ABI3BP: variants seen among roughly 807,000 people sequenced by gnomAD.
The protein encoded by ABI3BP is ABI family member 3 binding protein, also known as target of Nesh-SH3.
A neutral mutation model predicts 268.6 loss-of-function variants in ABI3BP; 216 were observed. The observed-to-expected ratio is 0.80, with a 90% CI of 0.72 to 0.90. The LOEUF (loss-of-function observed/expected upper bound fraction) is 0.90, where lower values mean the gene tolerates loss of function less well. ABI3BP is among the 40% of genes least tolerant of loss of function. ABI3BP has a pLI of 0.00. For synonymous variants in ABI3BP, 730 were observed against 730.0 expected (o/e 1.00, Z 0.00); for missense variants, 2,090 against 2,182.4 (o/e 0.96, Z 0.84).
intron 33 of ABI3BP, among the ~76,000 whole-genome samples, chr3:100,828,660 T>C (rs530644766): frequency 6.6e-6 from 1 of 152,240 alleles, no homozygotes; most frequent in East Asian, 1.9e-4. Context: ...TACTTTGTAG[T>C]CAGATAATTC....
intron 1 of ABI3BP, among the ~76,000 whole-genome samples, chr3:100,991,449 T>C (rs2092902395): frequency 6.6e-6 from 1 of 152,140 alleles, no homozygotes; most frequent in South Asian, 2.1e-4. Flanking sequence ...TTATTGAGAA[T>C]GTGCAAACTG....
intron 1 of ABI3BP, among the ~76,000 whole-genome samples, chr3:100,976,583 T>A (rs1316054701): frequency 6.6e-6 from 1 of 152,188 alleles, no homozygotes; most frequent in Non-Finnish European, 1.5e-5. Context: ...TCTCATAATG[T>A]TAGATGCATA....
intron 1 of ABI3BP, among the ~76,000 whole-genome samples, chr3:100,937,701 C>G (rs1420770079): frequency 6.6e-6 from 1 of 151,980 alleles, no homozygotes; most frequent in Non-Finnish European, 1.5e-5. Flanking sequence ...GTTAGCAAGT[C>G]CTTTTCAGGA....
At chr3:100,883,579 T>C (rs931255783) in intron 6 of ABI3BP, among the ~76,000 whole-genome samples, 9 of 152,060 alleles carry the variant, frequency 5.9e-5, no homozygotes, top group African/African-American at 1.4e-4. Flanking sequence ...AAAATTAAGA[T>C]AACAATTATA....
chr3:100,874,145 G>A (rs1027529782), intron 9 of ABI3BP, among the ~76,000 whole-genome samples: 1 of 151,980 alleles, frequency 6.6e-6, no homozygotes, highest in Non-Finnish European at 1.5e-5. Flanking sequence ...AAATTCTCAG[G>A]CCCCATACCG....
At chr3:100,868,668 A>G (rs2153223765) in intron 9 of ABI3BP, among the ~76,000 whole-genome samples, 1 of 152,350 alleles carries the variant, frequency 6.6e-6, no homozygotes, top group South Asian at 2.1e-4. Context: ...ATTATTTAAA[A>G]TGCCACCACT....
intron 12 of ABI3BP, 118 bp downstream of exon 12, chr3:100,863,884 A>G: frequency 2.6e-6 from 2 of 764,682 alleles, no homozygotes; most frequent in Non-Finnish European, 4.2e-6. Flanking sequence ...AAACTTGAAG[A>G]CTGTGTCACC....
chr3:100,862,893 T>C lies in ABI3BP; in HGVS notation c.1155A>G (p.Pro385=), dbSNP rs1412453413. The C allele has an allele frequency of 6.5e-7, 1 of 1,535,832 alleles. No individual in the cohort carries two copies. The highest frequency in any genetic ancestry group is 2.0e-5 in the Admixed American group (1 of 51,006). The part of the protein sequence containing the change: ...PLSTLAPKSL[P]EFPEAKTPFP... ...AGGGTGTTTTTGCCTCAGGAAATTC[T>C]GGAAGGCTTTTTGGAGCTGTAATGA... Residue 385 remains proline, a synonymous_variant, in exon 13 of 68, where the codon CCA becomes CCG. Transcript: ENST00000471714.
intron 1 of ABI3BP, among the ~76,000 whole-genome samples, chr3:100,928,276 T>A (rs939554137): frequency 5.3e-5 from 8 of 152,108 alleles, no homozygotes; most frequent in African/African-American, 1.9e-4. Flanking sequence ...ATTTAAAAAA[T>A]ATTTTGACTA....
intron 1 of ABI3BP, among the ~76,000 whole-genome samples, chr3:100,990,566 T>TTA (rs956225292): frequency 2.7e-5 from 4 of 148,410 alleles, no homozygotes; most frequent in East Asian, 3.9e-4. Context: ...CTATATATGG[T>TTA]TATATATATA....
intron 1 of ABI3BP, among the ~76,000 whole-genome samples, chr3:100,946,100 G>A (rs1359429323): frequency 6.6e-6 from 1 of 152,058 alleles, no homozygotes; most frequent in Non-Finnish European, 1.5e-5. Flanking sequence ...GCCGAACATG[G>A]TGGCTCATGC....
chr3:100,926,103 T>C lies in ABI3BP; in HGVS notation c.259+199A>G, dbSNP rs17284842. 0.1 allele frequency among the ~76,000 whole-genome samples: 15,688 copies of C among 152,162 alleles called. 1,094 individuals are homozygous for C. Among genetic ancestry groups the C allele is most frequent in the Non-Finnish European group, 0.15 (10,277 of 67,978 alleles). ...TAGCCAGGGAGAATGAAGATAACTA[T>C]TTCTGCATGTAATAATTTTTTTAAT... On this transcript the variant is annotated intron_variant, in intron 2 of 67. Transcript: ENST00000471714.
Position 100,977,388 on chromosome 3 carries a change from C to A in ABI3BP, c.79+15918G>T, listed in dbSNP as rs529216598. Among the ~76,000 whole-genome samples the A allele has an allele frequency of 2.6e-5, 4 of 152,210 alleles. No homozygotes were observed. The South Asian group carries it at 6.2e-4, about 24-fold the overall frequency. On this transcript the variant is annotated intron_variant, in intron 1 of 67. Transcript: ENST00000471714. ...GAGGAGCTGAACTGGGCAGTCCTGG[C>A]TCAGAATCTCTCATGAGGTTGCAGT...
intron 29 of ABI3BP, among the ~76,000 whole-genome samples, chr3:100,833,821 G>A (rs891700651): frequency 1.3e-5 from 2 of 152,172 alleles, no homozygotes; most frequent in African/African-American, 4.8e-5. Context: ...CCCATCAAAA[G>A]CAGCATTACT....
At chr3:100,874,064 G>A (rs1372605127) in intron 9 of ABI3BP, among the ~76,000 whole-genome samples, 2 of 152,116 alleles carry the variant, frequency 1.3e-5, no homozygotes, top group East Asian at 1.9e-4. Flanking sequence ...AGAGACATTG[G>A]AGGGGTAGTT....
At chr3:100,974,928 C>A (rs755308149) in intron 1 of ABI3BP, among the ~76,000 whole-genome samples, 29 of 152,214 alleles carry the variant, frequency 1.9e-4, no homozygotes, top group Non-Finnish European at 3.4e-4. Flanking sequence ...GTGAAACCTG[C>A]CCAAGATGCT....
In ABI3BP at chr3:100,898,865, G is replaced by A. The variant is rs781433310; in HGVS notation, c.358C>T (p.Leu120=). The change falls in exon 4 of 68, where the codon CTG becomes TTG. Residue 120 remains leucine, a synonymous_variant. Coordinates refer to ENST00000471714, the MANE Select transcript of ABI3BP (RefSeq NM_001375547.2). The stretch of plus-strand genomic sequence containing the variant: ...CTCGGTGTCAGAGTGCCAACCACCA[G>A]CTGCAGAGGTTTGCGAGAACGAGTT... ...GKTRSRKPLQ[L]VVGTLTPSSV... 2 of 1,612,500 alleles carry A rather than the reference G, an allele frequency of 1.2e-6. No homozygotes were observed. The highest frequency in any genetic ancestry group is 1.1e-5 in the South Asian group (1 of 90,624).
At chr3:100,851,739 T>A in intron 15 of ABI3BP, 136 bp downstream of exon 15, 1 of 677,332 alleles carries the variant, frequency 1.5e-6, no homozygotes, top group South Asian at 2.1e-5. Context: ...AAAACACAAC[T>A]CCCTGACACA....
At chr3:100,795,322 A>G (rs991594037) in intron 53 of ABI3BP, among the ~76,000 whole-genome samples, 15 of 152,060 alleles carry the variant, frequency 9.9e-5, no homozygotes, top group Non-Finnish European at 1.8e-4. Flanking sequence ...TCAAGAGAGC[A>G]TGCATGATTA....
Sources: allele counts gnomAD v4.1 joint callset (sites outside exome capture counted in the v4.1 genomes callset), GRCh38; gene constraint gnomAD v4.1.1; transcripts MANE v1.5; gene names NCBI Gene and HGNC (gene_info 2026-07-23, HGNC 2026-07-21).